Variants in PDE1C observed in about 807,000 individuals in gnomAD.
The protein encoded by PDE1C is dual specificity calcium/calmodulin-dependent 3',5'-cyclic nucleotide phosphodiesterase 1C.
PDE1C carries 62 observed loss-of-function variants against 93.1 expected under a neutral mutation model. That is an observed-to-expected ratio of 0.67 (90% CI 0.54 to 0.82). The LOEUF is 0.82. Ranked by LOEUF, PDE1C falls within the 40% of genes least tolerant of loss-of-function variation. The pLI, the probability that PDE1C is intolerant of heterozygous loss-of-function variation, is 0.00. For missense variants in PDE1C, 742 were observed against 884.6 expected (o/e 0.84, Z 2.04); for synonymous variants, 325 against 310.1 (o/e 1.05, Z -0.50).
the PDE1C span, among the ~76,000 whole-genome samples, chr7:31,647,756 T>G: frequency 6.6e-6 from 1 of 150,826 alleles, no homozygotes. Flanking sequence ...TGAGCAGATG[T>G]TGAAACTAAG....
chr7:32,083,063 G>A (rs111762587), intron 3 of PDE1C, among the ~76,000 whole-genome samples: 83,584 of 142,098 alleles, frequency 0.59, 23,572 homozygotes, highest in African/African-American at 0.7. Context: ...CTGAGCTACA[G>A]GAGGAAATTC....
intron 2 of PDE1C, among the ~76,000 whole-genome samples, chr7:31,991,578 G>A (rs1003110169): frequency 4.6e-5 from 7 of 152,186 alleles, no homozygotes; most frequent in East Asian, 1.9e-4. Context: ...ATGCACCTCC[G>A]TAAAGCCTGG....
At chr7:31,621,606 G>C in the PDE1C span, among the ~76,000 whole-genome samples, 103 of 148,464 alleles carry the variant, frequency 6.9e-4, no homozygotes, top group African/African-American at 2.5e-3. Context: ...CCTGAAGGAA[G>C]CACTAAACAT....
chr7:32,237,374 TATA>T (rs1808187360), intron 1 of PDE1C, among the ~76,000 whole-genome samples: 1 of 152,152 alleles, frequency 6.6e-6, no homozygotes, highest in Non-Finnish European at 1.5e-5. Context: ...ATAATAAAAT[TATA>T]ATGTCAGAGA....
At chr7:31,881,678 G>A (rs771360981) in intron 2 of PDE1C, among the ~76,000 whole-genome samples, 3 of 152,136 alleles carry the variant, frequency 2.0e-5, no homozygotes, top group Admixed American at 6.5e-5. Context: ...CTTTGAAGAC[G>A]AACTGGGGTT....
the PDE1C span, among the ~76,000 whole-genome samples, chr7:31,673,444 CT>C: frequency 6.6e-6 from 1 of 152,092 alleles, no homozygotes; most frequent in Non-Finnish European, 1.5e-5. Context: ...GTGTCTCTCT[CT>C]CTTTAATATT....
chr7:31,637,179 T>C, the PDE1C span, among the ~76,000 whole-genome samples: 35 of 152,112 alleles, frequency 2.3e-4, 1 homozygote, highest in South Asian at 6.2e-3. Context: ...CTATTGTGAA[T>C]AGTGCCGCAA....
chr7:31,995,162 A>C (rs1480121087), intron 2 of PDE1C, among the ~76,000 whole-genome samples: 1 of 152,176 alleles, frequency 6.6e-6, no homozygotes, highest in Non-Finnish European at 1.5e-5. Context: ...TCAGAAAGGC[A>C]GTTTTTTGTT....
chr7:31,672,266 T>A, the PDE1C span, among the ~76,000 whole-genome samples: 9 of 152,192 alleles, frequency 5.9e-5, no homozygotes, highest in Non-Finnish European at 1.3e-4. Context: ...ATCATATGAT[T>A]TTTCAAAACG....
the PDE1C span, among the ~76,000 whole-genome samples, chr7:31,700,896 A>G: frequency 6.6e-6 from 1 of 152,172 alleles, no homozygotes; most frequent in African/African-American, 2.4e-5. Context: ...GTTTAGACCT[A>G]CTGCTCCAAA....
chr7:31,763,607 G>A (rs1031897921), intron 17 of PDE1C, among the ~76,000 whole-genome samples: 43 of 152,168 alleles, frequency 2.8e-4, no homozygotes, highest in Admixed American at 1.3e-4. Flanking sequence ...CCATGGTTGT[G>A]GTGAGGATTT....
chr7:32,093,799 G>C (rs769183938), intron 3 of PDE1C, among the ~76,000 whole-genome samples: 1 of 152,238 alleles, frequency 6.6e-6, no homozygotes, highest in Non-Finnish European at 1.5e-5. Flanking sequence ...TGTGCCAGGG[G>C]CCAGAACCCC....
At chr7:31,649,302 G>C in the PDE1C span, among the ~76,000 whole-genome samples, 2 of 152,188 alleles carry the variant, frequency 1.3e-5, no homozygotes, top group African/African-American at 4.8e-5. Context: ...GGAAGGGTAA[G>C]AAATCTCAGA....
the PDE1C span, chr7:31,652,607 A>T: frequency 6.2e-7 from 1 of 1,613,436 alleles, no homozygotes; most frequent in African/African-American, 1.3e-5. Flanking sequence ...GGCAGACTTC[A>T]TGTTCTAAAA....
rs1467619790 is a variant in PDE1C at position 32,112,314 on chromosome 7, TTTTC to T, written c.308+57467_308+57470del. 3.3e-5 allele frequency among the ~76,000 whole-genome samples: 5 copies of T among 152,128 alleles called. No individual in the cohort carries two copies. The East Asian group carries it at 7.7e-4, about 23-fold the overall frequency. On this transcript the variant is annotated intron_variant, in intron 3 of 18. Coordinates refer to the PDE1C transcript ENST00000396193. ...TCCCTCCTCCTTCTCCTCTTCTTCTTTTTCTTTATTTTTCCAAAATTTATTATGT... is the reference window on the plus strand; with the variant it reads ...TCCCTCCTCCTTCTCCTCTTCTTCTTTTTATTTTTCCAAAATTTATTATGT...
intron 11 of PDE1C, 22 bp downstream of exon 11, chr7:31,837,158 T>G (rs753189172): frequency 6.2e-7 from 1 of 1,610,024 alleles, no homozygotes; most frequent in Non-Finnish European, 8.5e-7. Context: ...ACAGTCCTGA[T>G]GGAGAGAGAG....
At chr7:31,982,818 A>C (rs754344471) in intron 2 of PDE1C, among the ~76,000 whole-genome samples, 2 of 152,240 alleles carry the variant, frequency 1.3e-5, no homozygotes, top group African/African-American at 2.4e-5. Flanking sequence ...ATAGAAAAAG[A>C]AACAATTCAT....
intron 2 of PDE1C, among the ~76,000 whole-genome samples, chr7:31,980,665 C>A (rs1340994223): frequency 6.6e-6 from 1 of 152,156 alleles, no homozygotes; most frequent in Non-Finnish European, 1.5e-5. Flanking sequence ...ACACAAATTT[C>A]TTCTCTTAGT....
At chr7:32,266,045 C>G (rs1036569892) in intron 1 of PDE1C, among the ~76,000 whole-genome samples, 9 of 120,802 alleles carry the variant, frequency 7.5e-5, no homozygotes, top group Non-Finnish European at 1.3e-4. Flanking sequence ...GAGGCCGAGG[C>G]AGGCAGATCA....
Sources: allele counts gnomAD v4.1 joint callset (sites outside exome capture counted in the v4.1 genomes callset), GRCh38; gene constraint gnomAD v4.1.1; transcripts MANE v1.5; gene names NCBI Gene and HGNC (gene_info 2026-07-23, HGNC 2026-07-21).